EPB41L4B: variants seen among roughly 807,000 people sequenced by gnomAD.
EPB41L4B encodes the protein erythrocyte membrane protein band 4.1 like 4B, also known as band 4.1-like protein 4B.
Under a neutral mutation model 112.5 loss-of-function variants are expected in EPB41L4B, and 30 were observed. The ratio of observed to expected loss-of-function variants is 0.27; its 90% CI spans 0.20 to 0.36. The LOEUF (loss-of-function observed/expected upper bound fraction) is 0.36. EPB41L4B is among the 10% of genes least tolerant of loss of function. The pLI is 1.00. For missense variants in EPB41L4B, 1,024 were observed against 1,133.3 expected, an observed-to-expected ratio of 0.90 and a Z score of 1.38; for synonymous variants, 408 against 439.7, an observed-to-expected ratio of 0.93 and a Z score of 0.90.
intron 22 of EPB41L4B, among the ~76,000 whole-genome samples, chr9:109,191,030 A>T (rs1832441953): frequency 6.6e-6 from 1 of 152,074 alleles, no homozygotes; most frequent in Non-Finnish European, 1.5e-5. Flanking sequence ...CACCCTACCA[A>T]CAGGTAGGAG....
At chr9:109,242,241 T>G (rs1035610967) in intron 15 of EPB41L4B, among the ~76,000 whole-genome samples, 1 of 152,180 alleles carries the variant, frequency 6.6e-6, no homozygotes, top group Non-Finnish European at 1.5e-5. Context: ...ACACAAAATG[T>G]TGGGCCCCAC....
intron 2 of EPB41L4B, among the ~76,000 whole-genome samples, chr9:109,273,500 G>A (rs551678517): frequency 6.6e-6 from 1 of 152,220 alleles, no homozygotes; most frequent in South Asian, 2.1e-4. Flanking sequence ...ACCTGCCTTG[G>A]CCTCCCAAAG....
chr9:109,183,589 T>A (rs1021997156), intron 23 of EPB41L4B, among the ~76,000 whole-genome samples: 11 of 152,224 alleles, frequency 7.2e-5, no homozygotes, highest in Non-Finnish European at 1.6e-4. Flanking sequence ...TGGAAGGGCT[T>A]ATTTTTTCAA....
Position 109,270,226 on chromosome 9 carries a change from C to T in EPB41L4B, c.412-1793G>A, listed in dbSNP as rs77042479. Among the ~76,000 whole-genome samples, 936 of 151,660 alleles carry T rather than the reference C, an allele frequency of 6.2e-3. 21 individuals carry two copies. In the East Asian group the frequency reaches 0.096, roughly 16 times the overall value. ...TTGATGTGACAAGAGATCCACAGCACAATGTTACATGAGAAAAAAAAATCA... is the reference window on the plus strand; with the variant it reads ...TTGATGTGACAAGAGATCCACAGCATAATGTTACATGAGAAAAAAAAATCA... On this transcript the variant is annotated intron_variant, in intron 2 of 25. Transcript: ENST00000374566.
At chr9:109,207,212 G>A (rs1315055926) in intron 18 of EPB41L4B, among the ~76,000 whole-genome samples, 1 of 152,194 alleles carries the variant, frequency 6.6e-6, no homozygotes, top group Non-Finnish European at 1.5e-5. Context: ...AGTGTGGCCT[G>A]CAGTTGCTAC....
chr9:109,309,747 TACAC>T (rs200405976), intron 1 of EPB41L4B, among the ~76,000 whole-genome samples: 126 of 135,592 alleles, frequency 9.3e-4, no homozygotes, highest in African/African-American at 3.5e-3. Flanking sequence ...TATTAAGAAA[TACAC>T]ACACAGAGAG....
intron 7 of EPB41L4B, 34 bp from the exon 8 acceptor site, chr9:109,256,514 C>A: frequency 6.3e-7 from 1 of 1,586,180 alleles, no homozygotes; most frequent in Non-Finnish European, 8.6e-7. Context: ...ATGTAAACTG[C>A]GACTCGTAAG....
chr9:109,177,258 G>A (rs1831875864), intron 24 of EPB41L4B, among the ~76,000 whole-genome samples: 1 of 152,100 alleles, frequency 6.6e-6, no homozygotes, highest in African/African-American at 2.4e-5. Context: ...CAGACTAGCA[G>A]CATCAGCATT....
rs560004492 is a variant in EPB41L4B at position 109,193,167 on chromosome 9, G to T, written c.2224-812C>A. On this transcript the variant is annotated intron_variant, in intron 21 of 25. Coordinates refer to ENST00000374566, the MANE Select transcript of EPB41L4B (RefSeq NM_019114.5). Reference sequence around the variant, plus strand: ...GATCTATAGAGAAGCAGAGAACCTCGATCTTGGCCAGTCGCTGGCTGAGCA... The same window carrying T: ...GATCTATAGAGAAGCAGAGAACCTCTATCTTGGCCAGTCGCTGGCTGAGCA... 5.3e-5 allele frequency among the ~76,000 whole-genome samples: 8 copies of T among 152,326 alleles called. No homozygotes were observed. In the East Asian group the frequency reaches 1.5e-3, roughly 29 times the overall value.
chr9:109,240,246 T>A, intron 15 of EPB41L4B: 1 of 985,454 alleles, frequency 1.0e-6, no homozygotes, highest in Non-Finnish European at 1.2e-6. Flanking sequence ...TTTATTTGTA[T>A]GCAGCACATA....
chr9:109,300,019 G>C (rs149643989), intron 1 of EPB41L4B, among the ~76,000 whole-genome samples: 2,243 of 152,276 alleles, frequency 0.015, 65 homozygotes, highest in African/African-American at 0.05. Context: ...AGGCTTCCGA[G>C]TCACAGAAGG....
At chr9:109,276,145 G>T (rs540806629) in intron 2 of EPB41L4B, among the ~76,000 whole-genome samples, 2 of 137,786 alleles carry the variant, frequency 1.5e-5, no homozygotes, top group South Asian at 4.7e-4. Flanking sequence ...TAATATATAC[G>T]TGTGTGTATA....
At position 109,320,599 on chromosome 9, in the gene EPB41L4B, G is replaced by T; in HGVS notation, c.-153C>A. On this transcript the variant is annotated 5_prime_UTR_variant, in exon 1 of 26. Transcript: ENST00000374566. ...GGGCTACGGCCCGGGGCAAGCCCGC[G>T]CCGAGGCCGAGGCCGCGCTCTAGCC... The T allele has an allele frequency of 1.0e-5, 2 of 199,254 alleles. No individual in the cohort carries two copies. The highest frequency in any genetic ancestry group is 1.7e-5 in the Non-Finnish European group (2 of 119,848). 12.3% of individuals were successfully genotyped at this position (199,254 alleles called of 1,614,324 possible). A position where few individuals can be genotyped will look rare whatever the true frequency, so the allele number is the denominator to read the frequency against.
intron 22 of EPB41L4B, among the ~76,000 whole-genome samples, chr9:109,187,494 G>C (rs1832311742): frequency 6.7e-6 from 1 of 148,712 alleles, no homozygotes; most frequent in African/African-American, 2.4e-5. Flanking sequence ...TGAGTCACCT[G>C]CAGTTAACTT....
At chr9:109,310,971 G>A (rs544007394) in intron 1 of EPB41L4B, among the ~76,000 whole-genome samples, 1 of 152,310 alleles carries the variant, frequency 6.6e-6, no homozygotes, top group South Asian at 2.1e-4. Context: ...CCACTTATAT[G>A]GGGTACCTAG....
chr9:109,274,051 G>A (rs1253489279), intron 2 of EPB41L4B, among the ~76,000 whole-genome samples: 1 of 152,156 alleles, frequency 6.6e-6, no homozygotes, highest in Non-Finnish European at 1.5e-5. Flanking sequence ...CCATATCTAT[G>A]TACCAACCTC....
intron 6 of EPB41L4B, among the ~76,000 whole-genome samples, chr9:109,260,930 G>A (rs188417313): frequency 1.3e-5 from 2 of 152,120 alleles, no homozygotes; most frequent in East Asian, 1.9e-4. Context: ...TCAGGACAAC[G>A]TACAAGCTTG....
intron 17 of EPB41L4B, among the ~76,000 whole-genome samples, chr9:109,211,439 A>G (rs10979753): frequency 0.3 from 45,717 of 151,358 alleles, 7,121 homozygotes; most frequent in East Asian, 0.37. Context: ...TACTAAAAAT[A>G]TAAAAATTAG....
chr9:109,192,218 A>C (rs1410783225), intron 22 of EPB41L4B, 60 bp downstream of exon 22: 4 of 1,366,470 alleles, frequency 2.9e-6, no homozygotes. Context: ...CATCCGTCCC[A>C]CTGCCAAGAT....
Sources: gnomAD v4.1 joint callset for allele counts (sites outside exome capture counted in the v4.1 genomes callset) on GRCh38, gnomAD v4.1.1 for gene constraint, MANE v1.5 for transcripts, NCBI Gene and HGNC (gene_info 2026-07-23, HGNC 2026-07-21) for gene names.